The following SYT9 variants were observed in gnomAD, a reference collection of about 807,000 sequenced individuals.
The protein encoded by SYT9 is synaptotagmin 9, also known as synaptotagmin-9.
SYT9 carries 22 observed loss-of-function variants against 48.4 expected under a neutral mutation model. The observed-to-expected ratio is 0.45, with a 90% CI of 0.32 to 0.65. SYT9 has a LOEUF of 0.65. Ranked by LOEUF, SYT9 falls within the 30% of genes least tolerant of loss-of-function variation. SYT9 has a pLI of 0.03. For synonymous variants in SYT9, 265 were observed against 245.0 expected (o/e 1.08, Z -0.76); for missense variants, 577 against 622.0 (o/e 0.93, Z 0.77).
chr11:7,358,044 T>C (rs1850056039), intron 3 of SYT9, among the ~76,000 whole-genome samples: 1 of 152,100 alleles, frequency 6.6e-6, no homozygotes, highest in Admixed American at 6.6e-5. Flanking sequence ...TAGGACTTTA[T>C]ACTCTAAAAA....
chr11:7,394,752 T>C (rs961130681), intron 3 of SYT9, among the ~76,000 whole-genome samples: 1 of 152,186 alleles, frequency 6.6e-6, no homozygotes, highest in African/African-American at 2.4e-5. Flanking sequence ...GTTTTTCTAA[T>C]TCCTTTAGGT....
At chr11:7,347,855 G>C (rs1016605185) in intron 3 of SYT9, among the ~76,000 whole-genome samples, 1 of 152,104 alleles carries the variant, frequency 6.6e-6, no homozygotes, top group African/African-American at 2.4e-5. Context: ...GACAGGCTCC[G>C]TGCTAGCACT....
At chr11:7,460,401 G>A (rs1848215872) in intron 6 of SYT9, among the ~76,000 whole-genome samples, 1 of 152,012 alleles carries the variant, frequency 6.6e-6, no homozygotes, top group Non-Finnish European at 1.5e-5. Flanking sequence ...CATTGTTTAA[G>A]CAATTGATTA....
At chr11:7,400,772 C>T (rs962986255) in intron 3 of SYT9, among the ~76,000 whole-genome samples, 2 of 152,074 alleles carry the variant, frequency 1.3e-5, no homozygotes, top group South Asian at 4.1e-4. Flanking sequence ...CGAGAGAAGC[C>T]ACCTCCTAGT....
intron 3 of SYT9, among the ~76,000 whole-genome samples, chr11:7,371,107 G>T (rs1007804226): frequency 6.6e-6 from 1 of 152,038 alleles, no homozygotes; most frequent in Non-Finnish European, 1.5e-5. Flanking sequence ...TATCATTAAA[G>T]CCGCTTAATA....
chr11:7,362,064 C>G (rs940676528), intron 3 of SYT9, among the ~76,000 whole-genome samples: 1 of 151,988 alleles, frequency 6.6e-6, no homozygotes, highest in Admixed American at 6.6e-5. Context: ...TAATAGCTTT[C>G]CCCAAAGTAC....
chr11:7,300,360 C>T (rs1848895898), intron 1 of SYT9, among the ~76,000 whole-genome samples: 1 of 152,176 alleles, frequency 6.6e-6, no homozygotes. Flanking sequence ...TGTGGGAGCA[C>T]AAGGGACCTT....
At chr11:7,392,954 C>T (rs1315519493) in intron 3 of SYT9, among the ~76,000 whole-genome samples, 1 of 151,996 alleles carries the variant, frequency 6.6e-6, no homozygotes, top group Non-Finnish European at 1.5e-5. Flanking sequence ...GATTTTTTAT[C>T]CTGAAACTTT....
At chr11:7,462,268 A>G (rs924604198) in intron 6 of SYT9, among the ~76,000 whole-genome samples, 1 of 152,232 alleles carries the variant, frequency 6.6e-6, no homozygotes, top group Admixed American at 6.5e-5. Flanking sequence ...TGTAATATCT[A>G]TCACAGAGGG....
At chr11:7,400,052 A>G (rs1020558877) in intron 3 of SYT9, among the ~76,000 whole-genome samples, 2 of 152,196 alleles carry the variant, frequency 1.3e-5, no homozygotes, top group African/African-American at 4.8e-5. Flanking sequence ...CTTACCCCAA[A>G]TGTGACTTAC....
intron 3 of SYT9, among the ~76,000 whole-genome samples, chr11:7,329,149 A>G (rs1184684699): frequency 6.6e-6 from 1 of 152,152 alleles, no homozygotes; most frequent in Non-Finnish European, 1.5e-5. Flanking sequence ...GATGCTTTCT[A>G]TCTTTTCCTC....
intron 3 of SYT9, among the ~76,000 whole-genome samples, chr11:7,378,799 A>G (rs189673809): frequency 1.8e-4 from 28 of 152,248 alleles, no homozygotes; most frequent in Admixed American, 1.6e-3. Flanking sequence ...GAATCTCATC[A>G]TCCCGTCTCC....
intron 1 of SYT9, among the ~76,000 whole-genome samples, chr11:7,287,189 C>T (rs1848612261): frequency 6.6e-6 from 1 of 152,124 alleles, no homozygotes; most frequent in Non-Finnish European, 1.5e-5. Context: ...GGGGAAGCAA[C>T]CACGCCTTTC....
At chr11:7,299,177 G>C (rs1848867604) in intron 1 of SYT9, among the ~76,000 whole-genome samples, 1 of 152,134 alleles carries the variant, frequency 6.6e-6, no homozygotes, top group Non-Finnish European at 1.5e-5. Context: ...AAATGGTCAT[G>C]TTTCTACCAC....
At chr11:7,285,093 G>A (rs542610382) in intron 1 of SYT9, among the ~76,000 whole-genome samples, 5 of 152,238 alleles carry the variant, frequency 3.3e-5, no homozygotes, top group East Asian at 1.9e-4. Flanking sequence ...CTAAGACACC[G>A]AGCTATCCCT....
chr11:7,392,414 G>A (rs1351117136), intron 3 of SYT9, among the ~76,000 whole-genome samples: 1 of 152,050 alleles, frequency 6.6e-6, no homozygotes, highest in African/African-American at 2.4e-5. Context: ...GTTGGTTGTA[G>A]CTGTGTGGCT....
At chr11:7,377,194 CTA>C in intron 3 of SYT9, among the ~76,000 whole-genome samples, 1 of 151,586 alleles carries the variant, frequency 6.6e-6, no homozygotes. Flanking sequence ...TGGACCCACT[CTA>C]TGCCAGGCAC....
At chr11:7,354,541 C>G (rs964643012) in intron 3 of SYT9, among the ~76,000 whole-genome samples, 1 of 152,162 alleles carries the variant, frequency 6.6e-6, no homozygotes, top group Non-Finnish European at 1.5e-5. Context: ...AACCCAGGCC[C>G]TGAGGCTTGG....
chr11:7,454,630 C>T (rs540078803), intron 6 of SYT9, among the ~76,000 whole-genome samples: 143 of 152,316 alleles, frequency 9.4e-4, no homozygotes, highest in Middle Eastern at 3.4e-3. Flanking sequence ...AAACTGCCTA[C>T]GGGGAACACA....
Sources: gnomAD v4.1 joint callset for allele counts (sites outside exome capture counted in the v4.1 genomes callset) on GRCh38, gnomAD v4.1.1 for gene constraint, MANE v1.5 for transcripts, NCBI Gene and HGNC (gene_info 2026-07-23, HGNC 2026-07-21) for gene names.